The following SS18 variants were observed in gnomAD, a reference collection of about 807,000 sequenced individuals.
SS18 encodes SS18 subunit of BAF chromatin remodeling complex.
Under a neutral mutation model 72.5 loss-of-function variants are expected in SS18, and 28 were observed. The ratio of observed to expected loss-of-function variants is 0.39; its 90% confidence interval spans 0.29 to 0.53. The LOEUF is 0.53. SS18 is among the 20% of genes least tolerant of loss of function. The probability of loss-of-function intolerance (pLI) is 0.76; values close to 1 mark genes in which losing one functional copy is unlikely to be tolerated. For synonymous variants in SS18, 172 were observed against 164.2 expected (o/e 1.05, Z -0.37); for missense variants, 518 against 535.3 (o/e 0.97, Z 0.32).
At chr18:26,090,626 G>A (rs546680995), upstream of SS18, 41 of 1,518,196 alleles carry the variant, frequency 2.7e-5, no homozygotes, top group East Asian at 2.7e-4. Context: ...ACGGCAAACT[G>A]GGGGAGAGAC....
At chr18:26,066,299 AAC>A (rs2054215045) in intron 3 of SS18, among the ~76,000 whole-genome samples, 1 of 152,126 alleles carries the variant, frequency 6.6e-6, no homozygotes, top group Admixed American at 6.5e-5. Context: ...GTGCAGTATG[AAC>A]ACTTTGAGAA....
intron 2 of SS18, among the ~76,000 whole-genome samples, chr18:26,085,739 AT>A (rs914269177): frequency 8.3e-4 from 126 of 152,210 alleles, no homozygotes; most frequent in African/African-American, 1.6e-3. Flanking sequence ...ATACTTTATA[AT>A]TTTTTTTATG....
chr18:26,081,098 A>T, intron 2 of SS18: 1 of 151,552 alleles, frequency 6.6e-6, no homozygotes. Context: ...CAAAAAAAAA[A>T]AAAAAAAAAA....
At chr18:26,072,796 C>CAAAAA (rs71169810) in intron 3 of SS18, among the ~76,000 whole-genome samples, 12 of 32,734 alleles carry the variant, frequency 3.7e-4, no homozygotes, top group Admixed American at 8.4e-4. Context: ...GACTCCGTCT[C>CAAAAA]AAAAAAAAAA....
intron 4 of SS18, among the ~76,000 whole-genome samples, chr18:26,055,333 G>C (rs1371560434): frequency 6.6e-6 from 1 of 151,842 alleles, no homozygotes; most frequent in Non-Finnish European, 1.5e-5. Context: ...CAGGTGTGGT[G>C]GTGTGCGCCT....
chr18:26,058,027 C>G (rs975036889), intron 3 of SS18, among the ~76,000 whole-genome samples: 1 of 151,988 alleles, frequency 6.6e-6, no homozygotes, highest in South Asian at 2.1e-4. Flanking sequence ...CTATTATTAT[C>G]TAAATTATGT....
chr18:26,062,411 T>G (rs1205168865), intron 3 of SS18, among the ~76,000 whole-genome samples: 1 of 152,168 alleles, frequency 6.6e-6, no homozygotes, highest in Non-Finnish European at 1.5e-5. Context: ...GGCAACTACT[T>G]AAAAATACAT....
intron 4 of SS18, among the ~76,000 whole-genome samples, chr18:26,053,540 G>T (rs1351423226): frequency 6.6e-6 from 1 of 151,616 alleles, no homozygotes; most frequent in Non-Finnish European, 1.5e-5. Context: ...TAATAAAAAG[G>T]TAAATAAGAA....
intron 3 of SS18, among the ~76,000 whole-genome samples, chr18:26,075,951 C>T (rs757757395): frequency 2.6e-5 from 4 of 151,816 alleles, no homozygotes; most frequent in South Asian, 4.2e-4. Context: ...GACAAAGATT[C>T]GATTTAAAAT....
chr18:26,049,048 A>T (rs2143956610), intron 5 of SS18, among the ~76,000 whole-genome samples: 1 of 152,346 alleles, frequency 6.6e-6, no homozygotes, highest in African/African-American at 2.4e-5. Context: ...GACATATCCA[A>T]ATCTGAAGAA....
intron 5 of SS18, among the ~76,000 whole-genome samples, chr18:26,041,402 C>T (rs772311156): frequency 5.9e-5 from 9 of 152,186 alleles, no homozygotes; most frequent in Middle Eastern, 6.8e-3. Flanking sequence ...CCAGCCTGGG[C>T]GACAAGTGTG....
intron 3 of SS18, among the ~76,000 whole-genome samples, chr18:26,074,100 T>C (rs1036667569): frequency 6.6e-6 from 1 of 152,162 alleles, no homozygotes; most frequent in Non-Finnish European, 1.5e-5. Context: ...TTAACCAATG[T>C]AGTCTTTGGT....
In SS18 at chr18:26,039,466, G is replaced by C; in HGVS notation, c.608-10C>G. The C allele has an allele frequency of 6.2e-7, 1 of 1,609,768 alleles. No individual in the cohort carries two copies. Among genetic ancestry groups the C allele is most frequent in the Non-Finnish European group, 8.5e-7 (1 of 1,177,264 alleles). On this transcript the variant is annotated splice_polypyrimidine_tract_variant and intron_variant, in intron 5 of 10. Coordinates refer to ENST00000415083, the MANE Select transcript of SS18 (RefSeq NM_001007559.3). ...TGATGCATCATTGGACCTGAAACAA[G>C]ACACAACATTATACACATAATTTTT... is the stretch of plus-strand genomic sequence containing the variant.
At chr18:26,030,470 T>G (rs1045724978) in intron 10 of SS18, among the ~76,000 whole-genome samples, 1 of 151,884 alleles carries the variant, frequency 6.6e-6, no homozygotes, top group East Asian at 1.9e-4. Flanking sequence ...TTTACCCACC[T>G]GTATGCCATC....
At chr18:26,023,678 A>G (rs1224971364) in intron 10 of SS18, 4 of 524,144 alleles carry the variant, frequency 7.6e-6, no homozygotes, top group Non-Finnish European at 1.1e-5. Context: ...CAAAATAAAC[A>G]TTTTTTTCAG....
Position 26,017,880 on chromosome 18 carries a change from T to C in SS18, c.*474A>G, listed in dbSNP as rs557500615. The stretch of plus-strand genomic sequence containing the variant: ...CACATTAACAGAGGATTTCTGATGC[T>C]GTCCAGTGCGTAGTGTACCGCCTTG... On this transcript the variant is annotated 3_prime_UTR_variant, in exon 11 of 11. Transcript: ENST00000415083. 2.6e-5 allele frequency: 6 copies of C among 231,180 alleles called. No individual in the cohort carries two copies. The highest frequency in any genetic ancestry group is 1.3e-4 in the African/African-American group (6 of 45,260). 14.3% of individuals were successfully genotyped at this position (231,180 alleles called of 1,614,324 possible). A position where few individuals can be genotyped will look rare whatever the true frequency, so the allele number is the denominator to read the frequency against.
In SS18 at chr18:26,079,904, CTTAT is replaced by C. The variant is rs575327850; in HGVS notation, c.147-1748_147-1745del. Among the ~76,000 whole-genome samples, 17 of 151,974 alleles carry C rather than the reference CTTAT, an allele frequency of 1.1e-4. No individual in the cohort carries two copies. The East Asian group carries it at 2.9e-3, about 26-fold the overall frequency. On this transcript the variant is annotated intron_variant, in intron 2 of 10. Coordinates refer to ENST00000415083, the MANE Select transcript of SS18 (RefSeq NM_001007559.3). ...CCGAATCCTAGCATATTCTTTGCTA[CTTAT>C]TTTTCTCCTGTTACAAACAACAGGT...
At chr18:26,025,477 T>C (rs1222398078) in intron 10 of SS18, among the ~76,000 whole-genome samples, 1 of 151,930 alleles carries the variant, frequency 6.6e-6, no homozygotes, top group Non-Finnish European at 1.5e-5. Context: ...ACTAGCCAGA[T>C]AAATGAGGAC....
At chr18:26,082,086 A>T (rs1234166396) in intron 2 of SS18, among the ~76,000 whole-genome samples, 4 of 152,034 alleles carry the variant, frequency 2.6e-5, no homozygotes, top group Admixed American at 1.3e-4. Context: ...AAAAGAGTAT[A>T]TGTTGATATG....
Sources: allele counts gnomAD v4.1 joint callset (sites outside exome capture counted in the v4.1 genomes callset), GRCh38; gene constraint gnomAD v4.1.1; transcripts MANE v1.5; gene names NCBI Gene and HGNC (gene_info 2026-07-23, HGNC 2026-07-21).